ARHGAP23: variants seen among roughly 807,000 people sequenced by gnomAD.
ARHGAP23 encodes Rho GTPase activating protein 23, also known as rho GTPase-activating protein 23.
ARHGAP23 carries 34 observed loss-of-function variants against 136.3 expected under a neutral mutation model. The ratio of observed to expected loss-of-function variants is 0.25; its 90% CI spans 0.19 to 0.33. The LOEUF (loss-of-function observed/expected upper bound fraction) is 0.33, where lower values mean the gene tolerates loss of function less well. Ranked by LOEUF, ARHGAP23 falls within the 10% of genes least tolerant of loss-of-function variation. ARHGAP23 has a pLI of 1.00. For synonymous variants in ARHGAP23, 832 were observed against 920.5 expected, an observed-to-expected ratio of 0.90 and a Z score of 1.74; for missense variants, 1,808 against 2,139.0, an observed-to-expected ratio of 0.85 and a Z score of 3.05.
At chr17:38,490,336 G>A (rs546421343) in intron 18 of ARHGAP23, 126 bp from the exon 19 acceptor site, 30 of 1,093,430 alleles carry the variant, frequency 2.7e-5, no homozygotes, top group Non-Finnish European at 4.1e-5. Flanking sequence ...AGAGAACGGG[G>A]GGTTAGAGGA....
At chr17:38,447,934 C>T (rs563837327) in intron 1 of ARHGAP23, among the ~76,000 whole-genome samples, 1 of 152,366 alleles carries the variant, frequency 6.6e-6, no homozygotes, top group South Asian at 2.1e-4. Flanking sequence ...AGGAAAGAGG[C>T]TCCTCTTTAG....
chr17:38,471,409 G>A (rs141727837), intron 10 of ARHGAP23, among the ~76,000 whole-genome samples: 422 of 152,172 alleles, frequency 2.8e-3, no homozygotes, highest in African/African-American at 9.4e-3. Context: ...CTTGACTTGC[G>A]CCCTCTGGCT....
At chr17:38,424,013 C>T (rs970010294), upstream of ARHGAP23, among the ~76,000 whole-genome samples, 3 of 152,142 alleles carry the variant, frequency 2.0e-5, no homozygotes, top group African/African-American at 4.8e-5. Flanking sequence ...AAGGCCTTAT[C>T]GTTTTCATCT....
At position 38,477,801 on chromosome 17, in the gene ARHGAP23, G is replaced by T. The variant is rs982467489; in HGVS notation, c.2341G>T (p.Ala781Ser). Residue 781 changes from alanine (A) to serine (S), a missense_variant, in exon 12 of 24, where the codon GCT (alanine) becomes TCT (serine). Around this residue, in one of 7 missense-constraint regions of ARHGAP23, gnomAD observed 139 missense variants for 264.3 expected, o/e 0.53. Coordinates refer to ENST00000622683, the MANE Select transcript of ARHGAP23 (RefSeq NM_001199417.2). This position sits in a 1 kb window ranked among gnomAD's most constrained non-coding sequence, Gnocchi z 6.6. ...KRRHVFRLTT[A>S]DFCEYLFQAE... ...GAGGCACGTGTTCCGGCTGACCACC[G>T]CTGACTTCTGTGAATATCTCTTTCA... is the stretch of plus-strand genomic sequence containing the variant. 2 of 1,550,004 alleles carry T rather than the reference G, an allele frequency of 1.3e-6. No homozygotes were observed. The highest frequency in any genetic ancestry group is 2.7e-5 in the African/African-American group (2 of 73,008).
chr17:38,422,128 G>C (rs74631998), intron 1 of ARHGAP23, among the ~76,000 whole-genome samples: 1 of 152,178 alleles, frequency 6.6e-6, no homozygotes, highest in Non-Finnish European at 1.5e-5. Context: ...GGGATCATTC[G>C]ATAGAAAGAG....
chr17:38,467,234 C>G lies in ARHGAP23; in HGVS notation c.1551C>G (p.Ser517=). The G allele has an allele frequency of 6.4e-7, 1 of 1,550,808 alleles. No homozygotes were observed. The highest frequency in any genetic ancestry group is 2.4e-5 in the East Asian group (1 of 40,894). The change falls in exon 7 of 24, where the codon TCC becomes TCG. Residue 517 remains serine (S), a synonymous_variant. Coordinates refer to ENST00000622683, the MANE Select transcript of ARHGAP23 (RefSeq NM_001199417.2). ...RQMNLGFGDE[S]PEPEASGRGE... ...TGAACCTTGGATTTGGTGACGAGTC[C>G]CCAGAGCCAGAGGCCAGTGGGCGAG...
At chr17:38,460,327 C>A (rs938976393) in intron 2 of ARHGAP23, among the ~76,000 whole-genome samples, 4 of 151,950 alleles carry the variant, frequency 2.6e-5, no homozygotes, top group Non-Finnish European at 5.9e-5. Context: ...AGTGCTTTAG[C>A]CTGAGTATTG....
intron 1 of ARHGAP23, among the ~76,000 whole-genome samples, chr17:38,455,045 G>A (rs117855271): frequency 0.02 from 3,031 of 152,328 alleles, 43 homozygotes; most frequent in Non-Finnish European, 0.028. Context: ...AGTCAGAGAG[G>A]CAGAGCTGTG....
chr17:38,488,756 C>T (rs1409138519), intron 17 of ARHGAP23, among the ~76,000 whole-genome samples: 4 of 152,138 alleles, frequency 2.6e-5, no homozygotes, highest in Admixed American at 1.3e-4. Context: ...ACCACGTTGG[C>T]CAGGCTGGTC....
chr17:38,486,712 C>T (rs1319661065), intron 17 of ARHGAP23, among the ~76,000 whole-genome samples: 3 of 152,202 alleles, frequency 2.0e-5, no homozygotes, highest in African/African-American at 7.2e-5. Context: ...ACAGCAACTC[C>T]ATGAGGAAGG....
chr17:38,494,364 T>C (rs2040343361), intron 20 of ARHGAP23, among the ~76,000 whole-genome samples: 1 of 152,206 alleles, frequency 6.6e-6, no homozygotes, highest in Non-Finnish European at 1.5e-5. Flanking sequence ...TTCGTCGTGG[T>C]CATTATTCCA....
At chr17:38,487,736 T>C (rs1404018751) in intron 17 of ARHGAP23, among the ~76,000 whole-genome samples, 2 of 151,602 alleles carry the variant, frequency 1.3e-5, no homozygotes, top group Non-Finnish European at 2.9e-5. Flanking sequence ...TGGTGGCGGG[T>C]GCCTGTAGTC....
At chr17:38,460,283 T>G (rs2039427183) in intron 2 of ARHGAP23, among the ~76,000 whole-genome samples, 1 of 152,162 alleles carries the variant, frequency 6.6e-6, no homozygotes, top group South Asian at 2.1e-4. Context: ...CAGAAGAACT[T>G]CCATTGGCTC....
At chr17:38,459,933 T>A (rs555641782) in intron 2 of ARHGAP23, among the ~76,000 whole-genome samples, 2 of 152,200 alleles carry the variant, frequency 1.3e-5, no homozygotes, top group Admixed American at 1.3e-4. Context: ...CCTGTCCTCA[T>A]TGGGGTGCCA....
chr17:38,428,384 C>G (rs1393167358), upstream of ARHGAP23: 506 of 339,762 alleles, frequency 1.5e-3, 3 homozygotes, highest in Non-Finnish European at 1.8e-3. Context: ...CCGGGGGGGG[C>G]CCCCCCACAC....
intron 17 of ARHGAP23, among the ~76,000 whole-genome samples, chr17:38,487,188 A>G (rs1327515472): frequency 1.3e-5 from 2 of 152,246 alleles, no homozygotes; most frequent in African/African-American, 2.4e-5. Context: ...TAACAAAAGC[A>G]GAGTTGTAAT....
intron 1 of ARHGAP23, among the ~76,000 whole-genome samples, chr17:38,440,939 T>G (rs2038906335): frequency 6.6e-6 from 1 of 152,132 alleles, no homozygotes; most frequent in Non-Finnish European, 1.5e-5. Flanking sequence ...ACCACGACCT[T>G]TAGAGGCCTC....
At position 38,496,729 on chromosome 17, in the gene ARHGAP23, G is replaced by A. The variant is rs187276591; in HGVS notation, c.3277-1056G>A. On this transcript the variant is annotated intron_variant, in intron 20 of 23. Transcript: ENST00000622683. Reference sequence around the variant, plus strand: ...AGCACTTTGGGAGGTGGAGGTGGGCGGATCACTTGAGGTCAGGAGTTGAGA... The same window carrying A: ...AGCACTTTGGGAGGTGGAGGTGGGCAGATCACTTGAGGTCAGGAGTTGAGA... Among the ~76,000 whole-genome samples the A allele has an allele frequency of 4.0e-4, 61 of 152,190 alleles. 1 individual carries two copies. The highest frequency in any genetic ancestry group is 3.5e-3 in the Admixed American group (53 of 15,286).
chr17:38,431,989 G>A (rs1015802510), intron 1 of ARHGAP23, among the ~76,000 whole-genome samples: 6 of 152,172 alleles, frequency 3.9e-5, no homozygotes. Context: ...TGTCCCCAGT[G>A]GCCAGCACAG....
Sources: gnomAD v4.1 joint callset for allele counts (sites outside exome capture counted in the v4.1 genomes callset) on GRCh38, gnomAD v4.1.1 for gene constraint, gnomAD v4.1.1 regional missense constraint, Gnocchi (gnomAD v3.1) non-coding constraint, MANE v1.5 for transcripts, NCBI Gene and HGNC (gene_info 2026-07-23, HGNC 2026-07-21) for gene names.